The following RAB30 variants were observed in gnomAD, a reference collection of about 807,000 sequenced individuals.
RAB30 encodes the protein ras-related protein Rab-30.
In RAB30, 9 loss-of-function variants were observed where a neutral mutation model predicts 25.1. The observed-to-expected ratio is 0.36, with a 90% CI of 0.22 to 0.63. RAB30 has a LOEUF of 0.63. Among genes scored for constraint, RAB30 ranks in the 20% least tolerant of loss-of-function variants. The probability of loss-of-function intolerance (pLI) is 0.69; values close to 1 mark genes in which losing one functional copy is unlikely to be tolerated. For synonymous variants in RAB30, 77 were observed against 86.4 expected (o/e 0.89, Z 0.60); for missense variants, 140 against 243.5 (o/e 0.58, Z 2.83).
intron 4 of RAB30, among the ~76,000 whole-genome samples, chr11:82,983,282 T>C (rs1269262138): frequency 6.6e-6 from 1 of 152,214 alleles, no homozygotes; most frequent in Non-Finnish European, 1.5e-5. Flanking sequence ...CTTTGTTTTG[T>C]AGATTTTACT....
At chr11:83,000,230 AC>A (rs1245829881) in intron 1 of RAB30, among the ~76,000 whole-genome samples, 2 of 152,232 alleles carry the variant, frequency 1.3e-5, no homozygotes, top group African/African-American at 4.8e-5. Context: ...TCCTTGAACC[AC>A]TACCCAAGTG....
At chr11:83,030,085 A>G (rs182507714) in intron 1 of RAB30, among the ~76,000 whole-genome samples, 3 of 152,334 alleles carry the variant, frequency 2.0e-5, no homozygotes, top group Admixed American at 2.0e-4. Flanking sequence ...CATACTGAGT[A>G]GGGTGTACAC....
intron 2 of RAB30, among the ~76,000 whole-genome samples, chr11:82,996,315 G>A (rs942621672): frequency 8.5e-5 from 13 of 152,210 alleles, no homozygotes; most frequent in African/African-American, 3.1e-4. Flanking sequence ...TCCCAGGAAA[G>A]GGAGGTAACT....
intron 1 of RAB30, among the ~76,000 whole-genome samples, chr11:82,999,740 C>G (rs1857037362): frequency 6.6e-6 from 1 of 152,088 alleles, no homozygotes; most frequent in Non-Finnish European, 1.5e-5. Flanking sequence ...GCACCCTCCC[C>G]CACCACCCCA....
chr11:83,034,374 A>G (rs1299380566), intron 1 of RAB30: 1 of 152,270 alleles, frequency 6.6e-6, no homozygotes, highest in Non-Finnish European at 1.5e-5. Context: ...CCCTGCAGCT[A>G]AGAATCTCTG....
chr11:82,995,620 A>G (rs1438914931), intron 2 of RAB30, among the ~76,000 whole-genome samples: 1 of 152,234 alleles, frequency 6.6e-6, no homozygotes. Flanking sequence ...TAGACATAAA[A>G]GACAAATAAG....
chr11:83,059,556 T>C (rs1457535162), intron 1 of RAB30, among the ~76,000 whole-genome samples: 4 of 152,216 alleles, frequency 2.6e-5, no homozygotes, highest in African/African-American at 9.6e-5. Flanking sequence ...ATTCTGTTCA[T>C]GGTCCAACAG....
At chr11:83,067,276 A>C (rs1858723116) in intron 1 of RAB30, among the ~76,000 whole-genome samples, 1 of 152,216 alleles carries the variant, frequency 6.6e-6, no homozygotes, top group Non-Finnish European at 1.5e-5. Context: ...AAGTAAACTG[A>C]GTATACTGTT....
chr11:83,043,456 T>C (rs951137991), intron 1 of RAB30, among the ~76,000 whole-genome samples: 1 of 152,190 alleles, frequency 6.6e-6, no homozygotes, highest in Non-Finnish European at 1.5e-5. Flanking sequence ...AGTTTTGACA[T>C]GATTTGTTTA....
intron 1 of RAB30, among the ~76,000 whole-genome samples, chr11:83,036,100 T>G (rs1451647847): frequency 6.6e-6 from 1 of 151,744 alleles, no homozygotes; most frequent in Non-Finnish European, 1.5e-5. Context: ...ATGAGGCAAC[T>G]AAAGCCCAGA....
chr11:83,019,340 A>T (rs572440155), intron 1 of RAB30, among the ~76,000 whole-genome samples: 36 of 152,182 alleles, frequency 2.4e-4, no homozygotes, highest in African/African-American at 4.6e-4. Context: ...GGTTTTTTTT[A>T]AAAAATAACA....
At chr11:82,984,801 A>G (rs1337988559) in intron 4 of RAB30, among the ~76,000 whole-genome samples, 4 of 152,182 alleles carry the variant, frequency 2.6e-5, no homozygotes, top group Non-Finnish European at 4.4e-5. Context: ...GGGGCAGGAA[A>G]TGCACAAGTT....
intron 1 of RAB30, among the ~76,000 whole-genome samples, chr11:83,058,830 T>C (rs1858506928): frequency 6.6e-6 from 1 of 152,250 alleles, no homozygotes; most frequent in African/African-American, 2.4e-5. Context: ...CCCAAGATCG[T>C]GTAGCATGAA....
chr11:83,018,816 T>G (rs1044596402), intron 1 of RAB30, among the ~76,000 whole-genome samples: 2 of 152,246 alleles, frequency 1.3e-5, no homozygotes, highest in Non-Finnish European at 2.9e-5. Flanking sequence ...AGAATTTTAA[T>G]GATTTCAGGT....
At chr11:82,982,933 C>T (rs913095169) in intron 4 of RAB30, among the ~76,000 whole-genome samples, 2 of 152,072 alleles carry the variant, frequency 1.3e-5, no homozygotes, top group Non-Finnish European at 2.9e-5. Context: ...AAATGTCCAT[C>T]GGTAGGGCAC....
intron 1 of RAB30, among the ~76,000 whole-genome samples, chr11:83,024,206 T>C (rs1470418517): frequency 2.0e-5 from 3 of 152,246 alleles, no homozygotes; most frequent in Non-Finnish European, 4.4e-5. Flanking sequence ...ACCACAGGCA[T>C]ACAATAGGCC....
chr11:83,063,753 T>C (rs772829047), intron 1 of RAB30, among the ~76,000 whole-genome samples: 9 of 152,244 alleles, frequency 5.9e-5, no homozygotes, highest in Non-Finnish European at 1.0e-4. Flanking sequence ...GGGGCAATGC[T>C]AGTGCCCTTG....
chr11:82,994,644 A>G (rs1856923088), intron 2 of RAB30, among the ~76,000 whole-genome samples: 1 of 152,224 alleles, frequency 6.6e-6, no homozygotes, highest in Non-Finnish European at 1.5e-5. Flanking sequence ...CAGCATGAGA[A>G]GCGGGAATAA....
chr11:83,017,821 A>T (rs565416025), intron 1 of RAB30, among the ~76,000 whole-genome samples: 2 of 152,282 alleles, frequency 1.3e-5, no homozygotes, highest in African/African-American at 4.8e-5. Context: ...ACAAGTGTGA[A>T]TTGTGCTGCT....
Sources: allele counts gnomAD v4.1 joint callset (sites outside exome capture counted in the v4.1 genomes callset), GRCh38; gene constraint gnomAD v4.1.1; transcripts MANE v1.5; gene names NCBI Gene and HGNC (gene_info 2026-07-23, HGNC 2026-07-21).